The following KIAA2012 variants were observed in gnomAD, a reference collection of about 807,000 sequenced individuals.
KIAA2012 encodes the protein uncharacterized protein KIAA2012.
In KIAA2012, 125 loss-of-function variants were observed where a neutral mutation model predicts 150.6. The ratio of observed to expected loss-of-function variants is 0.83; its 90% CI spans 0.72 to 0.96. KIAA2012 has a LOEUF of 0.96. Among genes scored for constraint, KIAA2012 ranks in the 40% least tolerant of loss-of-function variants. The pLI, the probability that KIAA2012 is intolerant of heterozygous loss-of-function variation, is 0.00. For synonymous variants in KIAA2012, 462 were observed against 504.7 expected, an observed-to-expected ratio of 0.92 and a Z score of 1.13; for missense variants, 1,219 against 1,354.9, an observed-to-expected ratio of 0.90 and a Z score of 1.57.
At chr2:202,122,847 T>C (rs1690686286) in intron 11 of KIAA2012, among the ~76,000 whole-genome samples, 1 of 152,142 alleles carries the variant, frequency 6.6e-6, no homozygotes, top group Non-Finnish European at 1.5e-5. Flanking sequence ...AAGAAGGTTG[T>C]TTCGGAAAGG....
chr2:202,152,497 C>A (rs1007553145), intron 13 of KIAA2012, among the ~76,000 whole-genome samples: 1 of 152,200 alleles, frequency 6.6e-6, no homozygotes, highest in Non-Finnish European at 1.5e-5. Context: ...ACAAAATCTT[C>A]TCTTGGGGAT....
Position 202,189,825 on chromosome 2 carries a change from C to T in KIAA2012, c.2492-349C>T, listed in dbSNP as rs913878654. Among the ~76,000 whole-genome samples the T allele has an allele frequency of 5.9e-5, 9 of 151,974 alleles. No homozygotes were observed. In the East Asian group the frequency reaches 1.2e-3, roughly 20 times the overall value. ...ACTAAAAAGGGGCCAGGCACGGTGG[C>T]GCACACCTGTAATCCCATCACTTTG... is the stretch of plus-strand genomic sequence containing the variant. On this transcript the variant is annotated intron_variant, in intron 18 of 23. Transcript: ENST00000498697.
At chr2:202,167,173 C>CAA (rs57330831) in intron 15 of KIAA2012, among the ~76,000 whole-genome samples, 10 of 118,532 alleles carry the variant, frequency 8.4e-5, no homozygotes, top group African/African-American at 8.9e-5. Flanking sequence ...GACTCCGTCT[C>CAA]AAAAAAAAAA....
chr2:202,153,343 G>A (rs1314197763), intron 13 of KIAA2012, among the ~76,000 whole-genome samples: 1 of 152,120 alleles, frequency 6.6e-6, no homozygotes, highest in East Asian at 1.9e-4. Flanking sequence ...GTGGTCACAG[G>A]GGCACAGGGA....
intron 15 of KIAA2012, among the ~76,000 whole-genome samples, chr2:202,177,288 A>G (rs1009351801): frequency 6.6e-6 from 1 of 152,246 alleles, no homozygotes; most frequent in African/African-American, 2.4e-5. Context: ...TGTAATACAG[A>G]TATAAAAATA....
Position 202,193,399 on chromosome 2 carries a change from G to A in KIAA2012, c.2910G>A (p.Arg970=). 4 of 1,550,382 alleles carry A rather than the reference G, an allele frequency of 2.6e-6. No homozygotes were observed. The highest frequency in any genetic ancestry group is 3.5e-6 in the Non-Finnish European group (4 of 1,146,854). The change falls in exon 20 of 24, where the codon AGG becomes AGA. Residue 970 remains arginine (R), a synonymous_variant. Coordinates refer to ENST00000498697, the MANE Select transcript of KIAA2012 (RefSeq NM_001277372.4). ...MRWLEVEKKR[R]EQEEQRQLQQ... Reference sequence around the variant, plus strand: ...GGCTGGAGGTGGAGAAGAAGAGAAGGGAGCAGGAAGAGCAAAGGCAGCTCC... The same window carrying A: ...GGCTGGAGGTGGAGAAGAAGAGAAGAGAGCAGGAAGAGCAAAGGCAGCTCC...
At chr2:202,105,010 G>A (rs1021185880) in intron 8 of KIAA2012, among the ~76,000 whole-genome samples, 2 of 152,076 alleles carry the variant, frequency 1.3e-5, no homozygotes, top group Admixed American at 6.6e-5. Context: ...CACAGGAATC[G>A]GGTACAAAGA....
At chr2:202,172,524 G>T (rs1408976061) in intron 15 of KIAA2012, among the ~76,000 whole-genome samples, 2 of 152,228 alleles carry the variant, frequency 1.3e-5, no homozygotes, top group African/African-American at 4.8e-5. Context: ...AGAGAATCGT[G>T]CATGACAACT....
intron 2 of KIAA2012, among the ~76,000 whole-genome samples, chr2:202,085,391 A>G (rs866566981): frequency 6.6e-6 from 1 of 152,286 alleles, no homozygotes; most frequent in South Asian, 2.1e-4. Context: ...GGTAAGCACA[A>G]GAGTCCTTAA....
intron 3 of KIAA2012, among the ~76,000 whole-genome samples, chr2:202,091,178 C>T (rs1209539780): frequency 6.6e-6 from 1 of 152,230 alleles, no homozygotes; most frequent in Non-Finnish European, 1.5e-5. Flanking sequence ...CCTCAGCAGC[C>T]TCACATGCCA....
At chr2:202,090,480 A>T (rs1352162781) in intron 2 of KIAA2012, among the ~76,000 whole-genome samples, 2 of 152,250 alleles carry the variant, frequency 1.3e-5, no homozygotes, top group Admixed American at 1.3e-4. Flanking sequence ...GAACTAGGTA[A>T]TGTGTTTTCT....
At position 202,188,135 on chromosome 2, in the gene KIAA2012, T is replaced by C; in HGVS notation, c.2377-17T>C. 6.5e-7 allele frequency: 1 copy of C among 1,543,338 alleles called. No individual in the cohort carries two copies. The highest frequency in any genetic ancestry group is 8.8e-7 in the Non-Finnish European group (1 of 1,142,402). ...CTATACATATTATGGTCCCCTTCCT[T>C]GATTTTTCACCTTTAGGAGAGGGAT... On this transcript the variant is annotated splice_polypyrimidine_tract_variant and intron_variant, in intron 17 of 23. Transcript: ENST00000498697.
At chr2:202,176,324 G>A (rs1407425098) in intron 15 of KIAA2012, among the ~76,000 whole-genome samples, 1 of 151,940 alleles carries the variant, frequency 6.6e-6, no homozygotes, top group African/African-American at 2.4e-5. Context: ...AGCCTTCCAA[G>A]TAGCTGGGAT....
chr2:202,122,385 G>A (rs1358835743), intron 11 of KIAA2012, among the ~76,000 whole-genome samples: 1 of 152,170 alleles, frequency 6.6e-6, no homozygotes, highest in Non-Finnish European at 1.5e-5. Context: ...GACTGGACGT[G>A]AGCATCTCAA....
intron 11 of KIAA2012, among the ~76,000 whole-genome samples, chr2:202,122,807 A>G (rs928859475): frequency 1.5e-4 from 23 of 152,240 alleles, no homozygotes; most frequent in South Asian, 4.1e-4. Context: ...CCCAGCCCAA[A>G]TTATCTTTAT....
chr2:202,100,429 G>A lies in KIAA2012; in HGVS notation c.1135G>A (p.Gly379Arg), dbSNP rs1421811309. ...CACTGGCTCCAGAATAATCACCCCT[G>A]GGGAAGTGAAGAAGAAAAAGGTTGT... ...SATGSRIITPGEVKKKKAPKA... is the reference protein window; with the variant it reads ...SATGSRIITPREVKKKKAPKA... The change falls in exon 7 of 24, where the codon GGG (glycine) becomes AGG (arginine). Residue 379 changes from glycine to arginine, a missense_variant. By Grantham distance (125) the Gly-to-Arg change is moderately radical (BLOSUM62 -2). Transcript: ENST00000498697. 5.2e-6 allele frequency: 8 copies of A among 1,550,306 alleles called. No homozygotes were observed. The East Asian group carries it at 2.0e-4, about 38-fold the overall frequency.
chr2:202,110,186 A>G (rs1690309121), intron 10 of KIAA2012, among the ~76,000 whole-genome samples: 1 of 152,200 alleles, frequency 6.6e-6, no homozygotes, highest in African/African-American at 2.4e-5. Flanking sequence ...CCCAGACAGA[A>G]GTCAACTCCA....
chr2:202,092,798 GGGT>G (rs1157125133), intron 3 of KIAA2012, among the ~76,000 whole-genome samples: 1 of 152,064 alleles, frequency 6.6e-6, no homozygotes, highest in Non-Finnish European at 1.5e-5. Flanking sequence ...GGGAATGATG[GGGT>G]GGAGGAAGTA....
chr2:202,204,080 T>G (rs1429016897), intron 23 of KIAA2012, among the ~76,000 whole-genome samples: 3 of 146,830 alleles, frequency 2.0e-5, no homozygotes, highest in Non-Finnish European at 3.0e-5. Flanking sequence ...TTTTTTGTTT[T>G]TTTTTTTTTT....
Sources: allele counts gnomAD v4.1 joint callset (sites outside exome capture counted in the v4.1 genomes callset), GRCh38; gene constraint gnomAD v4.1.1; transcripts MANE v1.5; gene names NCBI Gene and HGNC (gene_info 2026-07-23, HGNC 2026-07-21).